Variants in NFIC observed in about 807,000 individuals in gnomAD.
NFIC encodes nuclear factor 1 C-type.
Under a neutral mutation model 54.4 loss-of-function variants are expected in NFIC, and 12 were observed. That is an observed-to-expected ratio of 0.22 (90% CI 0.14 to 0.36). NFIC has a LOEUF of 0.36. Among genes scored for constraint, NFIC ranks in the 10% least tolerant of loss-of-function variants. NFIC has a pLI of 1.00. For synonymous variants in NFIC, 322 were observed against 319.2 expected, an observed-to-expected ratio of 1.01 and a Z score of -0.09; for missense variants, 575 against 718.2, an observed-to-expected ratio of 0.80 and a Z score of 2.28.
In NFIC at chr19:3,452,447, C is replaced by T. The variant is rs2082479242; in HGVS notation, c.1085-35C>T. 1.9e-6 allele frequency: 3 copies of T among 1,605,690 alleles called. No homozygotes were observed. Among genetic ancestry groups the T allele is most frequent in the African/African-American group, 2.7e-5 (2 of 74,794 alleles). On this transcript the variant is annotated intron_variant, in intron 7 of 10. Coordinates refer to ENST00000443272, the MANE Select transcript of NFIC (RefSeq NM_001245002.2). The surrounding 1 kb of genome is among the most constrained non-coding windows in gnomAD (Gnocchi z 5.3). Reference sequence around the variant, plus strand: ...GGTCACAGAGCAGACCGGCTGGAGCCCCCAAGTAACCCCCGCTTCCCACTG... The same window carrying T: ...GGTCACAGAGCAGACCGGCTGGAGCTCCCAAGTAACCCCCGCTTCCCACTG...
chr19:3,421,610 C>T (rs2081955296), intron 2 of NFIC, among the ~76,000 whole-genome samples: 1 of 152,230 alleles, frequency 6.6e-6, no homozygotes, highest in Admixed American at 6.5e-5. Context: ...AACTGAGGCA[C>T]CGGGCCCTGC....
intron 9 of NFIC, among the ~76,000 whole-genome samples, chr19:3,454,941 C>A (rs2082528926): frequency 6.6e-6 from 1 of 152,212 alleles, no homozygotes; most frequent in Non-Finnish European, 1.5e-5. Flanking sequence ...CAAATCCACC[C>A]TGGGCTGGAA....
upstream of NFIC, chr19:3,366,399 G>A (rs1267597070): frequency 8.7e-6 from 4 of 460,768 alleles, no homozygotes; most frequent in Non-Finnish European, 1.5e-5. Context: ...AGACAGAGAC[G>A]GGGGAGAGAG....
intron 2 of NFIC, among the ~76,000 whole-genome samples, chr19:3,407,435 CTTTG>C (rs1362089682): frequency 7.4e-6 from 1 of 134,456 alleles, no homozygotes; most frequent in African/African-American, 2.8e-5. Flanking sequence ...TTTGTTTTTG[CTTTG>C]TTGTTGTTGT....
chr19:3,396,519 G>A (rs1037909886), intron 2 of NFIC, among the ~76,000 whole-genome samples: 1 of 151,948 alleles, frequency 6.6e-6, no homozygotes, highest in Non-Finnish European at 1.5e-5. Flanking sequence ...GCTGTTATGG[G>A]GCCTCGGGCA....
chr19:3,448,115 C>T (rs540104648), intron 6 of NFIC, among the ~76,000 whole-genome samples: 1 of 147,550 alleles, frequency 6.8e-6, no homozygotes, highest in Admixed American at 6.8e-5. Flanking sequence ...CTCTGTAGCC[C>T]TGGCTGGAGT....
chr19:3,410,165 C>T (rs988382224), intron 2 of NFIC, among the ~76,000 whole-genome samples: 3 of 152,122 alleles, frequency 2.0e-5, no homozygotes, highest in Non-Finnish European at 2.9e-5. Flanking sequence ...CTCAGCCTCC[C>T]GAGTAGCTGG....
intron 2 of NFIC, among the ~76,000 whole-genome samples, chr19:3,419,134 A>G (rs12975645): frequency 0.19 from 29,340 of 152,004 alleles, 3,985 homozygotes; most frequent in East Asian, 0.6. Context: ...GGAAGAGTAG[A>G]AAGTTCTGGA....
chr19:3,407,679 T>G (rs1382010862), intron 2 of NFIC, among the ~76,000 whole-genome samples: 1 of 138,650 alleles, frequency 7.2e-6, no homozygotes, highest in Non-Finnish European at 1.6e-5. Flanking sequence ...TGTGATCTGC[T>G]CGCCTTGGCC....
At chr19:3,417,797 T>TA (rs2081889240) in intron 2 of NFIC, among the ~76,000 whole-genome samples, 1 of 149,188 alleles carries the variant, frequency 6.7e-6, no homozygotes, top group East Asian at 2.0e-4. Context: ...GGCTAATTTT[T>TA]TTTTTTTTTT....
intron 3 of NFIC, among the ~76,000 whole-genome samples, chr19:3,427,401 G>A (rs954019341): frequency 4.6e-5 from 7 of 152,190 alleles, no homozygotes; most frequent in African/African-American, 1.4e-4. Flanking sequence ...TGCCCTCAGG[G>A]CTTAGAATGG....
intron 10 of NFIC, among the ~76,000 whole-genome samples, 161 bp from the exon 11 acceptor site, chr19:3,462,591 G>T (rs569442026): frequency 6.6e-6 from 1 of 152,298 alleles, no homozygotes; most frequent in South Asian, 2.1e-4. Flanking sequence ...GGGTCACCCA[G>T]CAGGTTGTTA....
intron 10 of NFIC, 123 bp from the exon 11 acceptor site, chr19:3,462,629 C>T: frequency 9.0e-7 from 1 of 1,106,536 alleles, no homozygotes; most frequent in Non-Finnish European, 1.3e-6. Context: ...ACTGAGGTCA[C>T]AGGGTTGCAG....
At chr19:3,389,600 C>G (rs1041116330) in intron 2 of NFIC, among the ~76,000 whole-genome samples, 6 of 152,112 alleles carry the variant, frequency 3.9e-5, no homozygotes, top group Non-Finnish European at 8.8e-5. Flanking sequence ...GTTTTTGCCT[C>G]TGTAGAATGG....
upstream of NFIC, among the ~76,000 whole-genome samples, chr19:3,363,269 A>ATATATT (rs1453872431): frequency 1.4e-4 from 5 of 36,688 alleles, no homozygotes; most frequent in Non-Finnish European, 2.2e-4. Context: ...ATATATATAT[A>ATATATT]TTTTTTTTTT....
At position 3,464,526 on chromosome 19, in the gene NFIC, G is replaced by GGGGCC; in HGVS notation, c.*1757_*1758insGGGCC. 2.1e-6 allele frequency: 2 copies of GGGGCC among 935,206 alleles called. No homozygotes were observed. Among genetic ancestry groups the GGGGCC allele is most frequent in the Non-Finnish European group, 2.5e-6 (2 of 799,378 alleles). 57.9% of individuals were successfully genotyped at this position (935,206 alleles called of 1,614,324 possible). ...GCTCAAACACAAGGACCCCTCCCCGGCCCACCCAGCCCAGCCCCAACTGAC... is the reference window on the plus strand; with the variant it reads ...GCTCAAACACAAGGACCCCTCCCCGGGGGCCCCCACCCAGCCCAGCCCCAACTGAC... On this transcript the variant is annotated 3_prime_UTR_variant, in exon 11 of 11. Coordinates refer to ENST00000443272, the MANE Select transcript of NFIC (RefSeq NM_001245002.2).
rs112243853 is a variant in NFIC, at chr19:3,466,658, CT to C, written c.*3902del. Reference sequence around the variant, plus strand: ...CAGCATTCATGTAGCTGATTTCTAGCTTTTTTTTTTTTTCTGCCCCACTCCT... The same window carrying C: ...CAGCATTCATGTAGCTGATTTCTAGCTTTTTTTTTTTTCTGCCCCACTCCT... On this transcript the variant is annotated 3_prime_UTR_variant, in exon 11 of 11. Transcript: ENST00000443272. The surrounding 1 kb of genome is among the most constrained non-coding windows in gnomAD (Gnocchi z 4.8). 2,308 of 146,182 alleles carry C rather than the reference CT, an allele frequency of 0.016. 33 individuals carry two copies. Among genetic ancestry groups the C allele is most frequent in the African/African-American group, 0.05 (2,002 of 40,154 alleles). The allele number at this position is 146,182 out of a possible 1,614,324, so 9.1% of individuals were successfully genotyped here.
chr19:3,448,567 C>T (rs1031728337), intron 6 of NFIC, among the ~76,000 whole-genome samples: 3 of 152,182 alleles, frequency 2.0e-5, no homozygotes, highest in Non-Finnish European at 4.4e-5. Context: ...CTTCCTCCCG[C>T]GTGGACGAGG....
rs779834105 is a variant in NFIC, at chr19:3,458,258, G to A, written c.1509+1623G>A. On this transcript the variant is annotated intron_variant, in intron 10 of 10. Transcript: ENST00000443272. This position sits in a 1 kb window ranked among gnomAD's most constrained non-coding sequence, Gnocchi z 4.1. ...GCCCCCTATGGCCAACCTCTCCCCC[G>A]CCTGGTGCTGATGGAGCCCGGCATT... Among the ~76,000 whole-genome samples the A allele has an allele frequency of 2.6e-5, 4 of 152,116 alleles. No individual in the cohort carries two copies. The highest frequency in any genetic ancestry group is 4.8e-5 in the African/African-American group (2 of 41,432).
Sources: allele counts gnomAD v4.1 joint callset (sites outside exome capture counted in the v4.1 genomes callset), GRCh38; gene constraint gnomAD v4.1.1; non-coding constraint Gnocchi (gnomAD v3.1); transcripts MANE v1.5; gene names NCBI Gene and HGNC (gene_info 2026-07-23, HGNC 2026-07-21).